The following ALDH9A1 variants were observed in gnomAD, a reference collection of about 807,000 sequenced individuals.
ALDH9A1 encodes aldehyde dehydrogenase 9 family member A1, also known as 4-trimethylaminobutyraldehyde dehydrogenase.
ALDH9A1 carries 42 observed loss-of-function variants against 56.6 expected under a neutral mutation model. That is an observed-to-expected ratio of 0.74 (90% CI 0.58 to 0.96). ALDH9A1 has a LOEUF of 0.96. ALDH9A1 is among the 40% of genes least tolerant of loss of function. The pLI is 0.00. For missense variants in ALDH9A1, 661 were observed against 651.5 expected (o/e 1.01, Z -0.16); for synonymous variants, 242 against 236.0 (o/e 1.03, Z -0.23).
intron 2 of ALDH9A1, among the ~76,000 whole-genome samples, chr1:165,683,375 G>A (rs3738192): frequency 0.65 from 99,001 of 152,050 alleles, 32,672 homozygotes; most frequent in East Asian, 0.95. Context: ...GGGCAAGACC[G>A]GGCAGGAATG....
At chr1:165,698,285 T>G in intron 1 of ALDH9A1, 93 bp downstream of exon 1, 2 of 1,488,882 alleles carry the variant, frequency 1.3e-6, no homozygotes, top group Non-Finnish European at 1.8e-6. Flanking sequence ...TGTGCTCAAG[T>G]CAACGCTGCA....
At chr1:165,663,598 G>T (rs1413045664) in intron 10 of ALDH9A1, among the ~76,000 whole-genome samples, 4 of 152,186 alleles carry the variant, frequency 2.6e-5, no homozygotes, top group African/African-American at 4.8e-5. Context: ...TTGGTGAGGG[G>T]TCACTGAAGG....
intron 6 of ALDH9A1, among the ~76,000 whole-genome samples, chr1:165,669,871 CT>C (rs1649123247): frequency 6.6e-6 from 1 of 152,092 alleles, no homozygotes; most frequent in African/African-American, 2.4e-5. Context: ...TCTGAAATCA[CT>C]AATAATCACT....
chr1:165,665,061 G>A lies in ALDH9A1; in HGVS notation c.1419C>T (p.Asn473=), dbSNP rs185342893. The change falls in exon 10 of 11, where the codon AAC becomes AAT. Residue 473 remains asparagine, a synonymous_variant. Coordinates refer to ENST00000354775, the MANE Select transcript of ALDH9A1 (RefSeq NM_000696.4). ...CAAAGGGCAACTCCACTGGGCTGAC[G>A]TTATAGTTGTTAATGAAGCACGTCC... ...QAGTCFINNY[N]VSPVELPFGG... The A allele has an allele frequency of 5.8e-5, 93 of 1,613,824 alleles. No homozygotes were observed. Among genetic ancestry groups the A allele is most frequent in the East Asian group, 2.7e-4 (12 of 44,866 alleles).
intron 6 of ALDH9A1, among the ~76,000 whole-genome samples, chr1:165,670,023 G>C (rs1649126550): frequency 6.6e-6 from 1 of 152,174 alleles, no homozygotes; most frequent in African/African-American, 2.4e-5. Flanking sequence ...TTAGGACAGA[G>C]ATGAACTAAA....
At chr1:165,683,593 T>C (rs898839125) in intron 2 of ALDH9A1, among the ~76,000 whole-genome samples, 1 of 152,220 alleles carries the variant, frequency 6.6e-6, no homozygotes, top group African/African-American at 2.4e-5. Context: ...AAACAGTTCT[T>C]AGGGAAATTA....
At position 165,687,772 on chromosome 1, in the gene ALDH9A1, G is replaced by A. The variant is rs371629117; in HGVS notation, c.328-4662C>T. Among the ~76,000 whole-genome samples the A allele has an allele frequency of 2.6e-5, 4 of 152,228 alleles. No homozygotes were observed. In the East Asian group the frequency reaches 7.7e-4, roughly 29 times the overall value. Reference sequence around the variant, plus strand: ...GGAAGCCGAGGTGGGCGGATCACTGGAGGTCAGCAGTTTGAGACCAGCCTG... The same window carrying A: ...GGAAGCCGAGGTGGGCGGATCACTGAAGGTCAGCAGTTTGAGACCAGCCTG... On this transcript the variant is annotated intron_variant, in intron 2 of 10. Transcript: ENST00000354775.
At chr1:165,680,404 G>A (rs1649508118) in intron 5 of ALDH9A1, 83 bp downstream of exon 5, 5 of 1,419,406 alleles carry the variant, frequency 3.5e-6, no homozygotes, top group African/African-American at 1.5e-5. Context: ...CAAAAGAGAA[G>A]CCTCCAAAAT....
chr1:165,689,548 C>A (rs1023452458), intron 2 of ALDH9A1, among the ~76,000 whole-genome samples: 1 of 152,178 alleles, frequency 6.6e-6, no homozygotes, highest in African/African-American at 2.4e-5. Context: ...GTTTAGGGTT[C>A]TTCTCCTTTG....
At chr1:165,698,312 G>A in intron 1 of ALDH9A1, 66 bp downstream of exon 1, 5 of 1,535,074 alleles carry the variant, frequency 3.3e-6, no homozygotes, top group Non-Finnish European at 4.4e-6. Flanking sequence ...AGGAAACGGG[G>A]GCTGGCCGGG....
In ALDH9A1 at chr1:165,695,387, T is replaced by G; in HGVS notation, c.192A>C (p.Ile64=). The G allele has an allele frequency of 6.2e-7, 1 of 1,609,792 alleles. No homozygotes were observed. Among genetic ancestry groups the G allele is most frequent in the East Asian group, 2.2e-5 (1 of 44,558 alleles). ...KAFEPATGRV[I]ATFTCSGEKE... ...TTTCTCCTGAACATGTGAAAGTAGC[T>G]ATCACTCGGCCTATAAAGAGCGGAA... is the stretch of plus-strand genomic sequence containing the variant. Residue 64 remains isoleucine, a synonymous_variant, in exon 2 of 11, where the codon ATA becomes ATC. Transcript: ENST00000354775.
chr1:165,697,916 C>T (rs1650141997), intron 1 of ALDH9A1, among the ~76,000 whole-genome samples: 1 of 152,092 alleles, frequency 6.6e-6, no homozygotes, highest in South Asian at 2.1e-4. Flanking sequence ...GTAATCCCAG[C>T]TACCAGGGAG....
intron 9 of ALDH9A1, among the ~76,000 whole-genome samples, chr1:165,666,057 A>G (rs1571164681): frequency 6.6e-6 from 1 of 152,210 alleles, no homozygotes; most frequent in East Asian, 1.9e-4. Flanking sequence ...TATCCATACC[A>G]CGGAATATTA....
At chr1:165,674,686 A>T (rs1441654295) in intron 6 of ALDH9A1, among the ~76,000 whole-genome samples, 29 of 18,620 alleles carry the variant, frequency 1.6e-3, no homozygotes, top group East Asian at 0.083. Context: ...ACTCCGAATC[A>T]AAAAAAAAAA....
At chr1:165,690,143 A>G (rs1649842752) in intron 2 of ALDH9A1, among the ~76,000 whole-genome samples, 1 of 145,856 alleles carries the variant, frequency 6.9e-6, no homozygotes, top group South Asian at 2.2e-4. Flanking sequence ...TATAGATTAT[A>G]TATTATTCTA....
At chr1:165,697,880 T>G (rs1315016021) in intron 1 of ALDH9A1, among the ~76,000 whole-genome samples, 1 of 151,796 alleles carries the variant, frequency 6.6e-6, no homozygotes, top group African/African-American at 2.4e-5. Context: ...AATACAAAAA[T>G]TAGCCGGACA....
intron 3 of ALDH9A1, 21 bp downstream of exon 3, chr1:165,682,960 A>C (rs765614926): frequency 1.2e-6 from 2 of 1,610,660 alleles, no homozygotes; most frequent in Non-Finnish European, 1.7e-6. Context: ...AGCTGGTCAC[A>C]GACACCAGGT....
At position 165,682,093 on chromosome 1, in the gene ALDH9A1, T is replaced by C. The variant is rs907151508; in HGVS notation, c.592+14A>G. The C allele has an allele frequency of 3.1e-6, 5 of 1,613,566 alleles. No homozygotes were observed. In the African/African-American group the frequency reaches 4.0e-5, roughly 13 times the overall value. ...AACGAATGGCTCTCAAATGGAGGGATAATTCATTCTTACCACAGGCTAATG... is the reference window on the plus strand; with the variant it reads ...AACGAATGGCTCTCAAATGGAGGGACAATTCATTCTTACCACAGGCTAATG... On this transcript the variant is annotated intron_variant, in intron 4 of 10. Coordinates refer to ENST00000354775, the MANE Select transcript of ALDH9A1 (RefSeq NM_000696.4).
intron 2 of ALDH9A1, 76 bp from the exon 3 acceptor site, chr1:165,683,186 C>T: frequency 2.1e-6 from 3 of 1,442,944 alleles, no homozygotes; most frequent in South Asian, 1.2e-5. Flanking sequence ...AAATAGAACA[C>T]ACTGCTCAAT....
Sources: gnomAD v4.1 joint callset for allele counts (sites outside exome capture counted in the v4.1 genomes callset) on GRCh38, gnomAD v4.1.1 for gene constraint, MANE v1.5 for transcripts, NCBI Gene and HGNC (gene_info 2026-07-23, HGNC 2026-07-21) for gene names.